SLC24A2: variants seen among roughly 807,000 people sequenced by gnomAD.
SLC24A2 encodes sodium/potassium/calcium exchanger 2.
In SLC24A2, 36 loss-of-function variants were observed where a neutral mutation model predicts 62.0. That is an observed-to-expected ratio of 0.58 (90% CI 0.44 to 0.77). The LOEUF (loss-of-function observed/expected upper bound fraction) is 0.77. Ranked by LOEUF, SLC24A2 falls within the 30% of genes least tolerant of loss-of-function variation. The pLI, the probability that SLC24A2 is intolerant of heterozygous loss-of-function variation, is 0.00. For missense variants in SLC24A2, 846 were observed against 817.9 expected (o/e 1.03, Z -0.42); for synonymous variants, 358 against 294.0 (o/e 1.22, Z -2.23).
At chr9:19,988,106 G>A in the SLC24A2 span, among the ~76,000 whole-genome samples, 1 of 152,188 alleles carries the variant, frequency 6.6e-6, no homozygotes, top group Non-Finnish European at 1.5e-5. Context: ...TGGATGAACT[G>A]CAGGTATGCA....
chr9:20,030,351 C>T, the SLC24A2 span, among the ~76,000 whole-genome samples: 1 of 152,202 alleles, frequency 6.6e-6, no homozygotes, highest in Non-Finnish European at 1.5e-5. Flanking sequence ...AAAGGGTATA[C>T]TGAAGGGGAA....
the SLC24A2 span, among the ~76,000 whole-genome samples, chr9:20,187,948 AG>A: frequency 1.3e-5 from 2 of 152,322 alleles, no homozygotes; most frequent in East Asian, 3.9e-4. Context: ...CTGCTTTAAC[AG>A]TTAGACTGTG....
At position 19,515,742 on chromosome 9, in the gene SLC24A2, C is replaced by CTAAT. The variant is rs1832895857; in HGVS notation, c.*407_*410dup. On this transcript the variant is annotated 3_prime_UTR_variant, in exon 11 of 11. Transcript: ENST00000341998. ...CTTTGTCTTTATTTACAGGTATGTA[C>CTAAT]TAATCTATAGGTATGCAAGGAGAGG... 1 of 207,940 alleles carries CTAAT rather than the reference C, an allele frequency of 4.8e-6. No homozygotes were observed. The allele number at this position is 207,940 out of a possible 1,614,324, so 12.9% of individuals were successfully genotyped here.
At chr9:19,677,273 T>C (rs1374032651) in intron 2 of SLC24A2, among the ~76,000 whole-genome samples, 1 of 152,180 alleles carries the variant, frequency 6.6e-6, no homozygotes, top group Non-Finnish European at 1.5e-5. Flanking sequence ...GATCTTGTCC[T>C]TTGCAGGGAC....
the SLC24A2 span, among the ~76,000 whole-genome samples, chr9:19,823,808 T>C: frequency 2.3e-4 from 35 of 152,154 alleles, no homozygotes; most frequent in Non-Finnish European, 3.7e-4. Flanking sequence ...AGCATGGTAC[T>C]GGTACCAAAA....
chr9:20,241,576 T>C, the SLC24A2 span, among the ~76,000 whole-genome samples: 1 of 152,150 alleles, frequency 6.6e-6, no homozygotes, highest in Non-Finnish European at 1.5e-5. Context: ...TACAAAATAG[T>C]TGTTTAATAA....
the SLC24A2 span, among the ~76,000 whole-genome samples, chr9:20,170,822 G>A: frequency 2.0e-5 from 3 of 151,990 alleles, no homozygotes; most frequent in Non-Finnish European, 2.9e-5. Context: ...AACTTGCCTG[G>A]CCTTGCTAGA....
At chr9:19,975,630 A>T in the SLC24A2 span, among the ~76,000 whole-genome samples, 8 of 152,288 alleles carry the variant, frequency 5.3e-5, no homozygotes, top group South Asian at 1.7e-3. Context: ...AAAACAGATG[A>T]TTCATTTATG....
the SLC24A2 span, among the ~76,000 whole-genome samples, chr9:20,136,889 C>G: frequency 6.6e-6 from 1 of 152,078 alleles, no homozygotes; most frequent in East Asian, 1.9e-4. Context: ...ACCTTTTTAA[C>G]CTTCTCACAA....
chr9:19,624,260 C>G (rs1442182197), intron 2 of SLC24A2, among the ~76,000 whole-genome samples: 1 of 152,060 alleles, frequency 6.6e-6, no homozygotes, highest in Non-Finnish European at 1.5e-5. Flanking sequence ...CACCTTGTGG[C>G]TAAATGGGAG....
intron 2 of SLC24A2, among the ~76,000 whole-genome samples, chr9:19,751,295 T>C (rs1315735269): frequency 6.6e-6 from 1 of 152,192 alleles, no homozygotes; most frequent in East Asian, 1.9e-4. Flanking sequence ...CATGTCCATA[T>C]GACAGAGAAA....
chr9:19,639,966 CT>C (rs1818451726), intron 2 of SLC24A2, among the ~76,000 whole-genome samples: 1 of 152,220 alleles, frequency 6.6e-6, no homozygotes, highest in Admixed American at 6.5e-5. Flanking sequence ...CATATGCCCT[CT>C]TAAAAATATG....
chr9:20,217,471 T>C, the SLC24A2 span, among the ~76,000 whole-genome samples: 1 of 151,736 alleles, frequency 6.6e-6, no homozygotes, highest in Non-Finnish European at 1.5e-5. Context: ...TCTCTGCATG[T>C]ATGCAGCACT....
intron 2 of SLC24A2, among the ~76,000 whole-genome samples, chr9:19,672,838 T>C (rs1819456976): frequency 1.4e-5 from 2 of 146,622 alleles, no homozygotes; most frequent in Non-Finnish European, 3.0e-5. Flanking sequence ...TGTATTTGCA[T>C]GGTTTTGAGG....
At chr9:19,846,019 C>T in the SLC24A2 span, among the ~76,000 whole-genome samples, 24 of 151,674 alleles carry the variant, frequency 1.6e-4, no homozygotes, top group South Asian at 2.7e-3. Context: ...AGCATGTGGT[C>T]GATCTTGGAA....
chr9:19,940,779 G>C, the SLC24A2 span, among the ~76,000 whole-genome samples: 1 of 152,198 alleles, frequency 6.6e-6, no homozygotes, highest in South Asian at 2.1e-4. Flanking sequence ...GCTCCCAAGG[G>C]TGCCCTCTCA....
chr9:20,008,978 G>A, the SLC24A2 span, among the ~76,000 whole-genome samples: 9 of 152,162 alleles, frequency 5.9e-5, no homozygotes, highest in Admixed American at 1.3e-4. Context: ...GTGAGGCTGA[G>A]ACACCCCCTT....
At chr9:19,708,978 A>G (rs1394829221) in intron 2 of SLC24A2, among the ~76,000 whole-genome samples, 2 of 152,114 alleles carry the variant, frequency 1.3e-5, no homozygotes. Context: ...AACCTACAAA[A>G]TGGGAGAAAA....
At chr9:19,824,099 G>A in the SLC24A2 span, among the ~76,000 whole-genome samples, 1 of 152,116 alleles carries the variant, frequency 6.6e-6, no homozygotes, top group Non-Finnish European at 1.5e-5. Context: ...TAATATTCAG[G>A]ACATAGGCAC....
Sources: gnomAD v4.1 joint callset for allele counts (sites outside exome capture counted in the v4.1 genomes callset) on GRCh38, gnomAD v4.1.1 for gene constraint, MANE v1.5 for transcripts, NCBI Gene and HGNC (gene_info 2026-07-23, HGNC 2026-07-21) for gene names.